Variants in DIAPH2 observed in about 807,000 individuals in gnomAD.
DIAPH2 encodes the protein protein diaphanous homolog 2.
In DIAPH2, 35 loss-of-function variants were observed where a neutral mutation model predicts 92.7. The ratio of observed to expected loss-of-function variants is 0.38; its 90% CI spans 0.29 to 0.50. The LOEUF is 0.50. Among genes scored for constraint, DIAPH2 ranks in the 20% least tolerant of loss-of-function variants. The pLI is 0.94. For synonymous variants in DIAPH2, 301 were observed against 280.4 expected (o/e 1.07, Z -0.73); for missense variants, 701 against 819.5 (o/e 0.86, Z 1.77).
At chrX:97,099,884 T>G (rs747857370) in intron 20 of DIAPH2, 89 bp downstream of exon 20, 25 of 430,453 alleles carry the variant, frequency 5.8e-5, no homozygotes, top group Non-Finnish European at 8.5e-5. Context: ...CAGTTGTCAA[T>G]TATTTTTTCA....
intron 4 of DIAPH2, among the ~76,000 whole-genome samples, chrX:96,830,231 T>C (rs2147687360): frequency 9.0e-6 from 1 of 111,262 alleles, no homozygotes; most frequent in Non-Finnish European, 1.9e-5. Flanking sequence ...TTGCAACACA[T>C]ATGGCAAAGG....
chrX:96,819,128 T>C (rs1390185913), intron 4 of DIAPH2, among the ~76,000 whole-genome samples: 2 of 112,316 alleles, frequency 1.8e-5, no homozygotes, highest in African/African-American at 6.5e-5. Context: ...CAAGCCACAG[T>C]AGTGGTCTGT....
chrX:97,172,666 A>G (rs1259232002), intron 22 of DIAPH2, among the ~76,000 whole-genome samples: 1 of 112,386 alleles, frequency 8.9e-6, no homozygotes, highest in Non-Finnish European at 1.9e-5. Context: ...TACATTTTAG[A>G]TAATGAAAAG....
At chrX:97,466,018 T>A (rs933786102) in intron 26 of DIAPH2, among the ~76,000 whole-genome samples, 1 of 111,977 alleles carries the variant, frequency 8.9e-6, no homozygotes, top group Non-Finnish European at 1.9e-5. Flanking sequence ...CAAATGAATG[T>A]TGTGCAGTAC....
chrX:97,387,613 C>T (rs1177669926), intron 25 of DIAPH2, among the ~76,000 whole-genome samples: 1 of 111,906 alleles, frequency 8.9e-6, no homozygotes, highest in Non-Finnish European at 1.9e-5. Context: ...AACCGCTTTA[C>T]CCAAAGTTCA....
chrX:97,273,384 A>T (rs889094530), intron 23 of DIAPH2, among the ~76,000 whole-genome samples: 4 of 111,913 alleles, frequency 3.6e-5, no homozygotes, highest in African/African-American at 1.3e-4. Flanking sequence ...GCTAGTAAAG[A>T]ACCTACATTT....
intron 1 of DIAPH2, among the ~76,000 whole-genome samples, chrX:96,686,424 A>G (rs1039727424): frequency 9.0e-5 from 10 of 111,482 alleles, no homozygotes; most frequent in Non-Finnish European, 1.5e-4. Flanking sequence ...TGTTAGTAGT[A>G]ACACCTTGAT....
intron 24 of DIAPH2, among the ~76,000 whole-genome samples, chrX:97,349,769 G>A (rs113610778): frequency 0.023 from 2,482 of 110,209 alleles, 48 homozygotes; most frequent in Non-Finnish European, 0.034. Context: ...CTAGTAGAAT[G>A]TGTTCTACTG....
chrX:97,028,946 TC>T (rs1330266134), intron 17 of DIAPH2, among the ~76,000 whole-genome samples: 1 of 111,554 alleles, frequency 9.0e-6, no homozygotes, highest in African/African-American at 3.3e-5. Flanking sequence ...GTAAAAGGGT[TC>T]CAGTTTCTCC....
In DIAPH2 at chrX:96,685,139, C is replaced by T. The variant is rs201046826; in HGVS notation, c.81C>T (p.Ser27=). Residue 27 remains serine (S), a synonymous_variant, in exon 1 of 27, where the codon AGC becomes AGT. Coordinates refer to ENST00000324765, the MANE Select transcript of DIAPH2 (RefSeq NM_006729.5). ...GTGGGGGCCGGAGCAACAAGCGGAG[C>T]GCGGGGAACCGGGCCGCCAATGAAG... ...EPGGGRSNKR[S]AGNRAANEEE... is the part of the protein sequence containing the mutation. 23 of 1,013,130 alleles carry T rather than the reference C, an allele frequency of 2.3e-5. No homozygotes were observed. The highest frequency in any genetic ancestry group is 2.9e-5 in the Non-Finnish European group (23 of 792,126). The allele number at this position is 1,013,130 out of a possible 1,213,427, so 83.5% of individuals were successfully genotyped here. A position where few individuals can be genotyped will look rare whatever the true frequency, so the allele number is the denominator to read the frequency against.
rs1191947264 is a variant in DIAPH2, at chrX:97,439,519, G to A, written c.3241+9774G>A. On this transcript the variant is annotated intron_variant, in intron 26 of 26. Transcript: ENST00000324765. Reference sequence around the variant, plus strand: ...CAGGAGGCAGAGGTTGCAGTGAGCCGAGATCGTGCCATTGCACTCCAGCCT... The same window carrying A: ...CAGGAGGCAGAGGTTGCAGTGAGCCAAGATCGTGCCATTGCACTCCAGCCT... 4.6e-5 allele frequency among the ~76,000 whole-genome samples: 5 copies of A among 109,213 alleles called. 1 individual carries two copies. The highest frequency in any genetic ancestry group is 1.9e-4 in the Admixed American group (2 of 10,289). 94.8% of individuals were successfully genotyped at this position (109,213 alleles called of 115,157 possible).
chrX:97,517,886 C>T (rs917619886), intron 26 of DIAPH2, among the ~76,000 whole-genome samples: 17 of 112,397 alleles, frequency 1.5e-4, no homozygotes, highest in African/African-American at 4.8e-4. Flanking sequence ...TGAGTTAAAC[C>T]TCCCAATGCT....
intron 4 of DIAPH2, chrX:96,793,632 G>C: frequency 2.7e-6 from 1 of 374,320 alleles, no homozygotes; most frequent in Non-Finnish European, 5.2e-6. Flanking sequence ...CACATATTAG[G>C]AAGAGGAAGC....
At chrX:97,587,543 A>C (rs1300594642) in intron 26 of DIAPH2, among the ~76,000 whole-genome samples, 1 of 112,291 alleles carries the variant, frequency 8.9e-6, no homozygotes, top group Non-Finnish European at 1.9e-5. Context: ...GACTTGTGAA[A>C]TAGAGTTAGA....
intron 25 of DIAPH2, among the ~76,000 whole-genome samples, chrX:97,412,506 G>A (rs770136345): frequency 8.9e-6 from 1 of 111,782 alleles, no homozygotes; most frequent in South Asian, 3.7e-4. Context: ...AGAGAAGCAA[G>A]AGGAAACAAA....
Position 96,829,441 on chromosome X carries a change from GTATA to G in DIAPH2, c.448-52121_448-52118del, listed in dbSNP as rs748376906. 5.3e-5 allele frequency among the ~76,000 whole-genome samples: 3 copies of G among 56,175 alleles called. No individual in the cohort carries two copies. The East Asian group carries it at 2.0e-3, about 38-fold the overall frequency. The allele number at this position is 56,175 out of a possible 115,157, so 48.8% of individuals were successfully genotyped here. A position where few individuals can be genotyped will look rare whatever the true frequency, so the allele number is the denominator to read the frequency against. On this transcript the variant is annotated intron_variant, in intron 4 of 26. Coordinates refer to ENST00000324765, the MANE Select transcript of DIAPH2 (RefSeq NM_006729.5). ...ATCAATAGCATTTACATATATATAT[GTATA>G]TATATATATATATATAAAACAAGGC...
intron 26 of DIAPH2, among the ~76,000 whole-genome samples, chrX:97,465,051 T>G (rs1169536030): frequency 3.6e-5 from 4 of 111,018 alleles, no homozygotes; most frequent in Non-Finnish European, 7.5e-5. Context: ...TTCTCCATTT[T>G]GGTCAGGCTG....
chrX:96,890,246 G>C (rs1251255482), intron 5 of DIAPH2, among the ~76,000 whole-genome samples: 1 of 111,554 alleles, frequency 9.0e-6, no homozygotes, highest in Non-Finnish European at 1.9e-5. Context: ...TATGTAAATG[G>C]GATTGGAGCC....
intron 17 of DIAPH2, among the ~76,000 whole-genome samples, chrX:97,061,393 C>T (rs1259257577): frequency 8.9e-6 from 1 of 112,081 alleles, no homozygotes; most frequent in East Asian, 2.8e-4. Context: ...TTTGAAGACT[C>T]CAGTTTTTAA....
Sources: allele counts gnomAD v4.1 joint callset (sites outside exome capture counted in the v4.1 genomes callset), GRCh38; gene constraint gnomAD v4.1.1; transcripts MANE v1.5; gene names NCBI Gene and HGNC (gene_info 2026-07-23, HGNC 2026-07-21).